Variants in SNRNP27 observed in about 807,000 individuals in gnomAD.
SNRNP27 encodes small nuclear ribonucleoprotein U4/U6.U5 subunit 27, also known as U4/U6.U5 small nuclear ribonucleoprotein 27 kDa protein.
A neutral mutation model predicts 25.1 loss-of-function variants in SNRNP27; 22 were observed. The observed-to-expected ratio is 0.88, with a 90% confidence interval of 0.63 to 1.25. The LOEUF (loss-of-function observed/expected upper bound fraction) is 1.25. Ranked by LOEUF, SNRNP27 falls within the 50% of genes most tolerant of loss-of-function variation. The pLI, the probability that SNRNP27 is intolerant of heterozygous loss-of-function variation, is 0.00. For missense variants in SNRNP27, 150 were observed against 202.3 expected, an observed-to-expected ratio of 0.74 and a Z score of 1.57; for synonymous variants, 66 against 64.9, an observed-to-expected ratio of 1.02 and a Z score of -0.08.
chr2:69,896,275 A>T (rs554663559), intron 2 of SNRNP27, among the ~76,000 whole-genome samples, 161 bp from the exon 3 acceptor site: 58 of 152,324 alleles, frequency 3.8e-4, no homozygotes, highest in African/African-American at 6.5e-4. Context: ...ACATTAAAAA[A>T]TTTTTTTGTT....
chr2:69,894,047 G>C (rs752554741), intron 1 of SNRNP27, 29 bp downstream of exon 1: 1 of 1,602,812 alleles, frequency 6.2e-7, no homozygotes, highest in African/African-American at 1.3e-5. Flanking sequence ...CGGAGGATAT[G>C]GGGCTCTGTT....
At chr2:69,897,353 T>C (rs1676623129) in intron 3 of SNRNP27, 24 bp from the exon 4 acceptor site, 4 of 1,522,776 alleles carry the variant, frequency 2.6e-6, no homozygotes, top group Non-Finnish European at 3.6e-6. Flanking sequence ...GATAGAGAGG[T>C]CACAAAATTA....
At chr2:69,897,323 T>C (rs908884644) in intron 3 of SNRNP27, 54 bp from the exon 4 acceptor site, 11 of 1,222,226 alleles carry the variant, frequency 9.0e-6, no homozygotes, top group East Asian at 4.7e-5. Context: ...TCTCTTTTTA[T>C]TTATGTATAT....
chr2:69,904,542 A>G lies in SNRNP27; in HGVS notation c.*234A>G. On this transcript the variant is annotated 3_prime_UTR_variant, in exon 6 of 6. Coordinates refer to ENST00000244227, the MANE Select transcript of SNRNP27 (RefSeq NM_006857.3). ...ATCATTTGTGGCAGGCGTCAACCCC[A>G]TTTTATTTGTCCTTATTCCTGTGGA... 1 of 593,644 alleles carries G rather than the reference A, an allele frequency of 1.7e-6. No homozygotes were observed. Among genetic ancestry groups the G allele is most frequent in the South Asian group, 2.2e-5 (1 of 46,376 alleles). 36.8% of individuals were successfully genotyped at this position (593,644 alleles called of 1,614,324 possible). A position where few individuals can be genotyped will look rare whatever the true frequency, so the allele number is the denominator to read the frequency against.
chr2:69,903,758 T>A (rs1364333683), intron 5 of SNRNP27, among the ~76,000 whole-genome samples: 3 of 152,162 alleles, frequency 2.0e-5, no homozygotes, highest in African/African-American at 7.2e-5. Flanking sequence ...AGATTAATAG[T>A]CCAGTTAATT....
Position 69,903,348 on chromosome 2 carries a change from A to G in SNRNP27, c.413+103A>G, listed in dbSNP as rs531217957. On this transcript the variant is annotated intron_variant, in intron 5 of 5. Coordinates refer to ENST00000244227, the MANE Select transcript of SNRNP27 (RefSeq NM_006857.3). ...TTTGTAGGAAATGTAGCAGTTTTCC[A>G]TACTGTTCCTTGTTTGAATGAAATA... 18 of 847,986 alleles carry G rather than the reference A, an allele frequency of 2.1e-5. No homozygotes were observed. In the East Asian group the frequency reaches 2.2e-4, roughly 10 times the overall value. 52.5% of individuals were successfully genotyped at this position (847,986 alleles called of 1,614,324 possible).
chr2:69,903,523 A>G, intron 5 of SNRNP27: 1 of 340,520 alleles, frequency 2.9e-6, no homozygotes, highest in South Asian at 4.0e-5. Flanking sequence ...ATGGGCTTTG[A>G]TTTCATTATA....
chr2:69,902,425 TCTTCTGCTGCTC>T (rs1478516247), intron 4 of SNRNP27, among the ~76,000 whole-genome samples: 6 of 151,916 alleles, frequency 3.9e-5, no homozygotes, highest in African/African-American at 7.2e-5. Flanking sequence ...TGCGTCTGCT[TCTTCTGCTGCTC>T]CTTCTGCTGC....
At chr2:69,902,910 T>C (rs1225838670) in intron 4 of SNRNP27, among the ~76,000 whole-genome samples, 1 of 146,366 alleles carries the variant, frequency 6.8e-6, no homozygotes, top group Non-Finnish European at 1.5e-5. Context: ...CCTTCCTCCT[T>C]CTTCCTTTCT....
chr2:69,896,815 A>G (rs561309481), intron 3 of SNRNP27, among the ~76,000 whole-genome samples: 5 of 151,410 alleles, frequency 3.3e-5, no homozygotes, highest in South Asian at 4.2e-4. Context: ...TTGGGATTAC[A>G]GGCACCCGCC....
intron 4 of SNRNP27, among the ~76,000 whole-genome samples, chr2:69,898,783 T>G (rs1476512172): frequency 6.6e-6 from 1 of 152,226 alleles, no homozygotes; most frequent in Non-Finnish European, 1.5e-5. Context: ...GAGCTCTGTT[T>G]TGGAATTTAA....
At chr2:69,897,113 G>A (rs957613206) in intron 3 of SNRNP27, among the ~76,000 whole-genome samples, 14 of 147,268 alleles carry the variant, frequency 9.5e-5, no homozygotes, top group Middle Eastern at 3.4e-3. Flanking sequence ...TGATATTAAA[G>A]GTAGTCCTTA....
chr2:69,904,110 C>G, intron 5 of SNRNP27, 144 bp from the exon 6 acceptor site: 1 of 494,864 alleles, frequency 2.0e-6, no homozygotes, highest in Non-Finnish European at 3.6e-6. Flanking sequence ...TCTAAATATA[C>G]ATTAAATTAC....
chr2:69,896,171 G>A (rs1676596307), intron 2 of SNRNP27, among the ~76,000 whole-genome samples: 1 of 152,020 alleles, frequency 6.6e-6, no homozygotes, highest in Admixed American at 6.6e-5. Flanking sequence ...TTTGTGTGTG[G>A]TTGTTAGAAA....
intron 2 of SNRNP27, among the ~76,000 whole-genome samples, chr2:69,895,869 T>C (rs1676591080): frequency 6.6e-6 from 1 of 152,214 alleles, no homozygotes; most frequent in Admixed American, 6.5e-5. Context: ...CTGTTGTTTC[T>C]TTTTTATTAA....
rs1460867701 is a variant in SNRNP27 at position 69,897,368 on chromosome 2, T to C, written c.269-9T>C. 3 of 1,601,780 alleles carry C rather than the reference T, an allele frequency of 1.9e-6. No individual in the cohort carries two copies. The African/African-American group carries it at 4.0e-5, about 21-fold the overall frequency. ...GATAGAGAGGTCACAAAATTATTCTTTTTTGCAGAGGAAGACTTAGAGGGC... is the reference window on the plus strand; with the variant it reads ...GATAGAGAGGTCACAAAATTATTCTCTTTTGCAGAGGAAGACTTAGAGGGC... On this transcript the variant is annotated splice_polypyrimidine_tract_variant and intron_variant, in intron 3 of 5. Coordinates refer to ENST00000244227, the MANE Select transcript of SNRNP27 (RefSeq NM_006857.3).
chr2:69,898,877 A>G (rs1445551883), intron 4 of SNRNP27, among the ~76,000 whole-genome samples: 4 of 152,226 alleles, frequency 2.6e-5, no homozygotes, highest in Non-Finnish European at 4.4e-5. Context: ...ATGAAAGTTT[A>G]TTAAGATATA....
chr2:69,897,602 C>A, intron 4 of SNRNP27, 146 bp downstream of exon 4: 1 of 628,752 alleles, frequency 1.6e-6, no homozygotes, highest in Non-Finnish European at 2.8e-6. Flanking sequence ...AAGGAGGAAA[C>A]AGTGAACTGC....
Position 69,902,575 on chromosome 2 carries a change from GCTT to G in SNRNP27, c.349-600_349-598del, listed in dbSNP as rs1463976914. On this transcript the variant is annotated intron_variant, in intron 4 of 5. Transcript: ENST00000244227. ...TTCTGCTGCTCCTTCTGCTGCTTTT[GCTT>G]CTTCTGCTTCTGCTGCTTGTGTTTC... 4.0e-5 allele frequency among the ~76,000 whole-genome samples: 6 copies of G among 150,908 alleles called. No individual in the cohort carries two copies. The East Asian group carries it at 5.8e-4, about 15-fold the overall frequency.
Sources: allele counts gnomAD v4.1 joint callset (sites outside exome capture counted in the v4.1 genomes callset), GRCh38; gene constraint gnomAD v4.1.1; transcripts MANE v1.5; gene names NCBI Gene and HGNC (gene_info 2026-07-23, HGNC 2026-07-21).